Variants in PODN observed in about 807,000 individuals in gnomAD.
PODN encodes the protein podocan proteoglycan.
In PODN, 40 loss-of-function variants were observed where a neutral mutation model predicts 52.7. The ratio of observed to expected loss-of-function variants is 0.76; its 90% CI spans 0.59 to 0.99. PODN has a LOEUF of 0.99. Ranked by LOEUF, PODN falls within the 50% of genes least tolerant of loss-of-function variation. The pLI is 0.00. For synonymous variants in PODN, 396 were observed against 377.9 expected, an observed-to-expected ratio of 1.05 and a Z score of -0.56; for missense variants, 720 against 815.1, an observed-to-expected ratio of 0.88 and a Z score of 1.42.
rs184855481 is a variant in PODN, at chr1:53,074,238, C to T, written c.407-368C>T. Among the ~76,000 whole-genome samples, 320 of 152,338 alleles carry T rather than the reference C, an allele frequency of 2.1e-3. 2 individuals are homozygous for T. The highest frequency in any genetic ancestry group is 6.8e-3 in the Middle Eastern group (2 of 294). On this transcript the variant is annotated intron_variant, in intron 3 of 10. Transcript: ENST00000312553. The stretch of plus-strand genomic sequence containing the variant: ...ACCCTGTGTGGAGCCATTCCTGGCC[C>T]GGCCCCCCTGCCTGTGGATGGGGCT...
chr1:53,073,717 A>G (rs553141253), intron 3 of PODN: 19 of 152,358 alleles, frequency 1.2e-4, no homozygotes, highest in African/African-American at 2.9e-4. Context: ...ATTAACTACT[A>G]TTGACATTTT....
chr1:53,072,727 A>G (rs981458528), intron 3 of PODN, among the ~76,000 whole-genome samples: 5 of 152,220 alleles, frequency 3.3e-5, no homozygotes, highest in South Asian at 2.1e-4. Flanking sequence ...GAAGGTGGAC[A>G]TTTCAACACC....
chr1:53,081,699 A>G (rs17107877), intron 9 of PODN, among the ~76,000 whole-genome samples: 24,439 of 152,222 alleles, frequency 0.16, 2,073 homozygotes, highest in Middle Eastern at 0.21. Context: ...CAGCTCCCAA[A>G]GTTGTGGCTT....
At chr1:53,079,887 G>A (rs554344364) in intron 8 of PODN, among the ~76,000 whole-genome samples, 87 of 151,984 alleles carry the variant, frequency 5.7e-4, no homozygotes, top group Middle Eastern at 3.4e-3. Context: ...TCTCACCCTG[G>A]GGGGCTGAGG....
intron 7 of PODN, 83 bp from the exon 8 acceptor site, chr1:53,078,282 C>T (rs1644225808): frequency 2.8e-6 from 4 of 1,412,882 alleles, no homozygotes; most frequent in Middle Eastern, 3.7e-4. Flanking sequence ...TGGCAATTCC[C>T]CAGCCACATC....
chr1:53,076,054 G>C, intron 5 of PODN, 83 bp downstream of exon 5: 1 of 1,201,136 alleles, frequency 8.3e-7, no homozygotes, highest in Non-Finnish European at 1.2e-6. Flanking sequence ...GTGAGGCAGA[G>C]ACAGGTCCCG....
chr1:53,064,676 C>A (rs931834559), intron 1 of PODN, among the ~76,000 whole-genome samples: 1 of 152,176 alleles, frequency 6.6e-6, no homozygotes, highest in Non-Finnish European at 1.5e-5. Flanking sequence ...GACAGTGGGT[C>A]CCACTTACTT....
intron 10 of PODN, among the ~76,000 whole-genome samples, chr1:53,082,730 C>T (rs186849179): frequency 7.9e-5 from 12 of 152,324 alleles, no homozygotes; most frequent in South Asian, 2.1e-4. Context: ...TGTGCACACA[C>T]GTCTCAACAT....
intron 4 of PODN, 98 bp downstream of exon 4, chr1:53,074,768 C>T: frequency 2.1e-6 from 2 of 966,666 alleles, no homozygotes; most frequent in Non-Finnish European, 3.1e-6. Context: ...TTCTGGACTC[C>T]CTGCTGGGTC....
At chr1:53,067,366 C>T (rs1298890965) in intron 1 of PODN, among the ~76,000 whole-genome samples, 1 of 152,050 alleles carries the variant, frequency 6.6e-6, no homozygotes, top group African/African-American at 2.4e-5. Context: ...TCTGGGTGGG[C>T]AGTGGTTATT....
chr1:53,081,832 G>A (rs1405181276), intron 9 of PODN, 149 bp from the exon 10 acceptor site: 16 of 1,191,588 alleles, frequency 1.3e-5, no homozygotes, highest in Non-Finnish European at 1.7e-5. Context: ...CATGTACTGC[G>A]CTCTCAGCCC....
Position 53,071,595 on chromosome 1 carries a change from C to T in PODN, c.373C>T (p.Leu125=), listed in dbSNP as rs143380070. The T allele has an allele frequency of 4.0e-5, 65 of 1,613,778 alleles. No homozygotes were observed. The highest frequency in any genetic ancestry group is 5.3e-5 in the Non-Finnish European group (62 of 1,179,986). The change falls in exon 3 of 11, where the codon CTG becomes TTG. Residue 125 remains leucine (L), a synonymous_variant. Coordinates refer to ENST00000312553, the MANE Select transcript of PODN (RefSeq NM_153703.5). ...ELSRLHRLET[L]NLQNNRLTSR... ...CTCCCGGCTGCACCGGCTGGAGACG[C>T]TGAACCTGCAAAACAACCGCCTGAC...
At chr1:53,063,021 G>A (rs1372400358) in intron 1 of PODN, among the ~76,000 whole-genome samples, 1 of 152,200 alleles carries the variant, frequency 6.6e-6, no homozygotes, top group East Asian at 1.9e-4. Flanking sequence ...CGCGAGGAGC[G>A]AGATCCGCGC....
chr1:53,063,314 C>T lies in PODN; in HGVS notation c.-56+1006C>T, dbSNP rs538659666. 9 of 977,314 alleles carry T rather than the reference C, an allele frequency of 9.2e-6. No individual in the cohort carries two copies. In the East Asian group the frequency reaches 9.1e-4, roughly 99 times the overall value. 60.5% of individuals were successfully genotyped at this position (977,314 alleles called of 1,614,324 possible). On this transcript the variant is annotated intron_variant, in intron 1 of 10. Coordinates refer to ENST00000312553, the MANE Select transcript of PODN (RefSeq NM_153703.5). ...GTCCGGGAGGCGCGGAGGATGCTCACCCAGCGCTTGGAGTGAATTACTGAC... is the reference window on the plus strand; with the variant it reads ...GTCCGGGAGGCGCGGAGGATGCTCATCCAGCGCTTGGAGTGAATTACTGAC...
chr1:53,071,403 T>G, intron 2 of PODN, 132 bp from the exon 3 acceptor site: 2 of 753,670 alleles, frequency 2.7e-6, no homozygotes, highest in East Asian at 5.5e-5. Context: ...TCTGCTGCCA[T>G]GGGGGAGAAT....
chr1:53,063,535 A>C (rs1372170571), intron 1 of PODN: 53 of 985,436 alleles, frequency 5.4e-5, no homozygotes, highest in Non-Finnish European at 6.3e-5. Flanking sequence ...AGGCCGGCTG[A>C]TCTGCAGGCG....
chr1:53,072,450 A>G (rs1644133009), intron 3 of PODN, among the ~76,000 whole-genome samples: 1 of 152,226 alleles, frequency 6.6e-6, no homozygotes, highest in African/African-American at 2.4e-5. Context: ...ACAGAGTTCT[A>G]AAAGAGCCAA....
At chr1:53,082,652 G>A (rs1644312352) in intron 10 of PODN, among the ~76,000 whole-genome samples, 1 of 152,212 alleles carries the variant, frequency 6.6e-6, no homozygotes, top group African/African-American at 2.4e-5. Flanking sequence ...GCACATGTAT[G>A]TAACACAGGC....
At chr1:53,071,704 G>C in intron 3 of PODN, 76 bp downstream of exon 3, 1 of 1,406,592 alleles carries the variant, frequency 7.1e-7, no homozygotes, top group Non-Finnish European at 9.9e-7. Flanking sequence ...TGGGTGCCCA[G>C]GGGGAGAGCT....
Sources: gnomAD v4.1 joint callset for allele counts (sites outside exome capture counted in the v4.1 genomes callset) on GRCh38, gnomAD v4.1.1 for gene constraint, MANE v1.5 for transcripts, NCBI Gene and HGNC (gene_info 2026-07-23, HGNC 2026-07-21) for gene names.